The following CSMD3 variants were observed in gnomAD, a reference collection of about 807,000 sequenced individuals.
CSMD3 encodes CUB and sushi domain-containing protein 3.
In CSMD3, 177 loss-of-function variants were observed where a neutral mutation model predicts 435.2. The observed-to-expected ratio is 0.41, with a 90% CI of 0.36 to 0.46. The LOEUF is 0.46. Among genes scored for constraint, CSMD3 ranks in the 20% least tolerant of loss-of-function variants. CSMD3 has a pLI of 0.34. For synonymous variants in CSMD3, 1,656 were observed against 1,520.5 expected (o/e 1.09, Z -2.07); for missense variants, 4,265 against 4,504.6 (o/e 0.95, Z 1.52).
chr8:112,636,832 G>A lies in CSMD3; in HGVS notation c.3700C>T (p.Leu1234=), dbSNP rs528521971. Residue 1234 remains leucine, a synonymous_variant, in exon 22 of 71, where the codon CTG becomes TTG. Transcript: ENST00000297405. ...GACCACGTACCCACACACCTTGGCA[G>A]AGGTGCACTCCACACTCGTCGGCCA... ...GGGRRVWSAP[L]PRCVAECGAS... 6 of 1,613,286 alleles carry A rather than the reference G, an allele frequency of 3.7e-6. No individual in the cohort carries two copies. The Admixed American group carries it at 6.7e-5, about 18-fold the overall frequency.
intron 12 of CSMD3, among the ~76,000 whole-genome samples, chr8:112,828,768 C>A (rs1210851161): frequency 6.6e-6 from 1 of 152,090 alleles, no homozygotes; most frequent in Non-Finnish European, 1.5e-5. Context: ...GATAGACCAC[C>A]AAATCATGTT....
intron 10 of CSMD3, among the ~76,000 whole-genome samples, chr8:112,910,534 T>C (rs2130529420): frequency 6.6e-6 from 1 of 151,944 alleles, no homozygotes; most frequent in South Asian, 2.1e-4. Context: ...TCAATTTTTA[T>C]CCAAGGGCAA....
intron 13 of CSMD3, among the ~76,000 whole-genome samples, chr8:112,721,358 T>C (rs369316170): frequency 2.6e-5 from 4 of 152,170 alleles, no homozygotes; most frequent in African/African-American, 7.2e-5. Context: ...GTGGATCACC[T>C]GAGGTCAGGA....
At chr8:112,927,800 T>C (rs1268824739) in intron 9 of CSMD3, among the ~76,000 whole-genome samples, 1 of 152,104 alleles carries the variant, frequency 6.6e-6, no homozygotes, top group Non-Finnish European at 1.5e-5. Context: ...AAACCAAGAC[T>C]ATGTCCGATA....
chr8:113,152,485 A>G (rs138966028), intron 4 of CSMD3, among the ~76,000 whole-genome samples: 235 of 152,124 alleles, frequency 1.5e-3, no homozygotes, highest in African/African-American at 5.5e-3. Flanking sequence ...TAGTGCTGCA[A>G]AAAAAGTTTG....
At chr8:112,739,145 A>C (rs1434504890) in intron 13 of CSMD3, among the ~76,000 whole-genome samples, 1 of 151,824 alleles carries the variant, frequency 6.6e-6, no homozygotes, top group Non-Finnish European at 1.5e-5. Flanking sequence ...TAATTAAGAA[A>C]GTATTTTGTA....
At chr8:112,614,692 T>C (rs985203209) in intron 22 of CSMD3, among the ~76,000 whole-genome samples, 1 of 152,110 alleles carries the variant, frequency 6.6e-6, no homozygotes, top group African/African-American at 2.4e-5. Flanking sequence ...CCTTTTAAAA[T>C]AAAGTATTTT....
chr8:113,054,560 C>T (rs2088235818), intron 5 of CSMD3, among the ~76,000 whole-genome samples: 2 of 152,114 alleles, frequency 1.3e-5, no homozygotes, highest in African/African-American at 4.8e-5. Context: ...AGACAAATTT[C>T]CTATTTGTTT....
At chr8:112,919,916 TA>T (rs558343329) in intron 10 of CSMD3, among the ~76,000 whole-genome samples, 2 of 152,042 alleles carry the variant, frequency 1.3e-5, no homozygotes, top group East Asian at 3.9e-4. Flanking sequence ...TTGAATTTTA[TA>T]GACAATGTTT....
chr8:113,047,156 C>T (rs1207804109), intron 5 of CSMD3, among the ~76,000 whole-genome samples: 1 of 152,172 alleles, frequency 6.6e-6, no homozygotes, highest in East Asian at 1.9e-4. Flanking sequence ...ATGCCTGTCT[C>T]CTTTATCCCA....
At chr8:112,594,679 A>G (rs1286861574) in intron 22 of CSMD3, among the ~76,000 whole-genome samples, 1 of 152,184 alleles carries the variant, frequency 6.6e-6, no homozygotes, top group African/African-American at 2.4e-5. Context: ...GAACGGGCAG[A>G]CTGCCTCCTC....
chr8:112,379,972 G>C (rs541754382), intron 38 of CSMD3, among the ~76,000 whole-genome samples: 1 of 152,170 alleles, frequency 6.6e-6, no homozygotes, highest in Non-Finnish European at 1.5e-5. Flanking sequence ...AGGGGATAGG[G>C]AGAGGGGGAA....
chr8:113,037,463 A>G (rs1469259952), intron 5 of CSMD3, among the ~76,000 whole-genome samples: 1 of 152,038 alleles, frequency 6.6e-6, no homozygotes, highest in African/African-American at 2.4e-5. Context: ...TTTCTACATT[A>G]TTTATCTTTT....
chr8:113,250,709 A>G (rs549928802), intron 3 of CSMD3, among the ~76,000 whole-genome samples: 1 of 152,078 alleles, frequency 6.6e-6, no homozygotes, highest in Non-Finnish European at 1.5e-5. Context: ...TAGTAGGTAG[A>G]CATAATTGAT....
chr8:112,859,194 T>A lies in CSMD3; in HGVS notation c.1706A>T (p.Asp569Val), dbSNP rs2129858408. ...GACCCAGACACATTGTGCATTGCTG[T>A]CATACTGGAACGGAAAGTTGGGAGA... Reference protein sequence around the residue: ...FTSPNFPFQYDSNAQCVWVIT... With the variant: ...FTSPNFPFQYVSNAQCVWVIT... Residue 569 changes from aspartate (D) to valine (V), a missense_variant, in exon 11 of 71, where the codon GAC (aspartate) becomes GTC (valine). By Grantham distance (152) the Asp-to-Val change is radical. Coordinates refer to ENST00000297405, the MANE Select transcript of CSMD3 (RefSeq NM_198123.2). 1.2e-6 allele frequency: 2 copies of A among 1,611,320 alleles called. No homozygotes were observed. The highest frequency in any genetic ancestry group is 1.7e-6 in the Non-Finnish European group (2 of 1,177,738).
chr8:112,546,833 A>T (rs1309199663), intron 27 of CSMD3, among the ~76,000 whole-genome samples: 3 of 152,188 alleles, frequency 2.0e-5, no homozygotes, highest in Admixed American at 6.5e-5. Flanking sequence ...AGACTCTACA[A>T]AGGATGAATG....
At chr8:112,938,320 C>T (rs188265674) in intron 9 of CSMD3, among the ~76,000 whole-genome samples, 3 of 152,296 alleles carry the variant, frequency 2.0e-5, no homozygotes, top group Admixed American at 6.5e-5. Flanking sequence ...ATTCTTCCAA[C>T]ATACCAAAGA....
At chr8:113,190,460 A>T (rs1238594738) in intron 3 of CSMD3, among the ~76,000 whole-genome samples, 1 of 151,808 alleles carries the variant, frequency 6.6e-6, no homozygotes, top group Non-Finnish European at 1.5e-5. Context: ...GAGTTGATGG[A>T]ATGGCAAGAG....
intron 5 of CSMD3, among the ~76,000 whole-genome samples, chr8:113,040,367 A>G (rs1165712268): frequency 6.6e-6 from 1 of 152,182 alleles, no homozygotes; most frequent in Non-Finnish European, 1.5e-5. Context: ...GGAACATTTT[A>G]GTAGAGGAAT....
Sources: gnomAD v4.1 joint callset for allele counts (sites outside exome capture counted in the v4.1 genomes callset) on GRCh38, gnomAD v4.1.1 for gene constraint, MANE v1.5 for transcripts, NCBI Gene and HGNC (gene_info 2026-07-23, HGNC 2026-07-21) for gene names.